The following ATF6 variants were observed in gnomAD, a reference collection of about 807,000 sequenced individuals.
ATF6 encodes activating transcription factor 6.
Under a neutral mutation model 83.6 loss-of-function variants are expected in ATF6, and 53 were observed. The ratio of observed to expected loss-of-function variants is 0.63; its 90% CI spans 0.51 to 0.80. The LOEUF (loss-of-function observed/expected upper bound fraction) is 0.80. Ranked by LOEUF, ATF6 falls within the 30% of genes least tolerant of loss-of-function variation. The pLI is 0.00. For synonymous variants in ATF6, 288 were observed against 285.8 expected, an observed-to-expected ratio of 1.01 and a Z score of -0.08; for missense variants, 744 against 797.9, an observed-to-expected ratio of 0.93 and a Z score of 0.81.
At chr1:161,794,493 T>C (rs1362008587) in intron 6 of ATF6, among the ~76,000 whole-genome samples, 1 of 152,198 alleles carries the variant, frequency 6.6e-6, no homozygotes, top group Non-Finnish European at 1.5e-5. Context: ...TGTTTGTTTT[T>C]AATAGAGACA....
At chr1:161,900,118 A>C (rs988733919) in intron 14 of ATF6, among the ~76,000 whole-genome samples, 10 of 152,248 alleles carry the variant, frequency 6.6e-5, no homozygotes, top group Admixed American at 3.3e-4. Flanking sequence ...AAATTGCATA[A>C]ATTATCTTAC....
chr1:161,914,909 A>G (rs913261939), intron 15 of ATF6, among the ~76,000 whole-genome samples: 1 of 152,196 alleles, frequency 6.6e-6, no homozygotes, highest in African/African-American at 2.4e-5. Flanking sequence ...CAAGCAGCTG[A>G]AAATTGCTAG....
At position 161,963,523 on chromosome 1, in the gene ATF6, A is replaced by G. The variant is rs888608129; in HGVS notation, c.*4869A>G. ...ATTTATCATTTGCCAAGGCCAACAAACAACACTATTGTGCTGTTTGCTCTC... is the reference window on the plus strand; with the variant it reads ...ATTTATCATTTGCCAAGGCCAACAAGCAACACTATTGTGCTGTTTGCTCTC... On this transcript the variant is annotated 3_prime_UTR_variant, in exon 16 of 16. Transcript: ENST00000367942. 34 of 152,328 alleles carry G rather than the reference A, an allele frequency of 2.2e-4. No individual in the cohort carries two copies. Among genetic ancestry groups the G allele is most frequent in the African/African-American group, 8.2e-4 (34 of 41,574 alleles). 9.4% of individuals were successfully genotyped at this position (152,328 alleles called of 1,614,324 possible). A position where few individuals can be genotyped will look rare whatever the true frequency, so the allele number is the denominator to read the frequency against.
At chr1:161,838,475 G>A (rs74853573) in intron 9 of ATF6, among the ~76,000 whole-genome samples, 1 of 152,072 alleles carries the variant, frequency 6.6e-6, no homozygotes, top group African/African-American at 2.4e-5. Context: ...GTTAGCTGGG[G>A]TGGCTTAGGT....
At chr1:161,950,862 GTCATTTTCTTTTTAA>G (rs1688848971) in intron 15 of ATF6, among the ~76,000 whole-genome samples, 1 of 152,298 alleles carries the variant, frequency 6.6e-6, no homozygotes, top group East Asian at 1.9e-4. Flanking sequence ...AATTTTGTTA[GTCATTTTCTTTTTAA>G]TGGTGTTTCA....
At chr1:161,879,116 C>A (rs1391090781) in intron 14 of ATF6, among the ~76,000 whole-genome samples, 1 of 152,010 alleles carries the variant, frequency 6.6e-6, no homozygotes, top group Non-Finnish European at 1.5e-5. Flanking sequence ...ATGGTAGAGG[C>A]AAGATGAGTT....
chr1:161,953,621 G>C (rs111360914), intron 15 of ATF6, among the ~76,000 whole-genome samples: 1 of 152,116 alleles, frequency 6.6e-6, no homozygotes, highest in African/African-American at 2.4e-5. Context: ...CAGAGGAACT[G>C]TTTTTAATTT....
chr1:161,934,230 G>A (rs1459502117), intron 15 of ATF6, among the ~76,000 whole-genome samples: 2 of 152,036 alleles, frequency 1.3e-5, no homozygotes, highest in African/African-American at 2.4e-5. Flanking sequence ...TTGTGATGCC[G>A]GTAAATTGTT....
At chr1:161,944,526 A>C (rs920267026) in intron 15 of ATF6, among the ~76,000 whole-genome samples, 2 of 152,224 alleles carry the variant, frequency 1.3e-5, no homozygotes, top group African/African-American at 4.8e-5. Flanking sequence ...TAAACTACAC[A>C]TGGGTATTTC....
chr1:161,913,261 A>T (rs1012669563), intron 15 of ATF6, among the ~76,000 whole-genome samples: 1 of 152,212 alleles, frequency 6.6e-6, no homozygotes, highest in Non-Finnish European at 1.5e-5. Flanking sequence ...AAGAAGATGG[A>T]AACGAAAAGC....
chr1:161,927,006 T>G (rs1688327381), intron 15 of ATF6, among the ~76,000 whole-genome samples: 1 of 152,180 alleles, frequency 6.6e-6, no homozygotes, highest in East Asian at 1.9e-4. Flanking sequence ...CAGCTTTATA[T>G]TCAGCGCATA....
chr1:161,962,131 T>G lies in ATF6; in HGVS notation c.*3477T>G, dbSNP rs1689112963. On this transcript the variant is annotated 3_prime_UTR_variant, in exon 16 of 16. Coordinates refer to ENST00000367942, the MANE Select transcript of ATF6 (RefSeq NM_007348.4). ...AAACTCAGAGCATCATCTAATTTTT[T>G]TTTTTAATGACTACAAGTTCCAGCA... The G allele has an allele frequency of 1.3e-5, 2 of 152,208 alleles. No homozygotes were observed. Among genetic ancestry groups the G allele is most frequent in the African/African-American group, 4.8e-5 (2 of 41,452 alleles). 9.4% of individuals were successfully genotyped at this position (152,208 alleles called of 1,614,324 possible). A position where few individuals can be genotyped will look rare whatever the true frequency, so the allele number is the denominator to read the frequency against.
intron 12 of ATF6, among the ~76,000 whole-genome samples, chr1:161,855,222 T>C (rs1319407572): frequency 6.6e-6 from 1 of 152,170 alleles, no homozygotes; most frequent in Non-Finnish European, 1.5e-5. Context: ...AGAAGCCATT[T>C]TAGTGGGCTA....
chr1:161,882,709 CT>C (rs111270591), intron 14 of ATF6, among the ~76,000 whole-genome samples: 24,373 of 142,974 alleles, frequency 0.17, 2,682 homozygotes, highest in East Asian at 0.32. Context: ...GTCGATACAG[CT>C]TTTTTTTTTT....
chr1:161,930,890 AT>A lies in ATF6; in HGVS notation c.1804+18524del, dbSNP rs199715828. ...TGTTCCTAAAATGTAGGTTCGTAGAATTTTTTTTTTTTTTCCCCTGGGGACA... is the reference window on the plus strand; with the variant it reads ...TGTTCCTAAAATGTAGGTTCGTAGAATTTTTTTTTTTTTCCCCTGGGGACA... On this transcript the variant is annotated intron_variant, in intron 15 of 15. Transcript: ENST00000367942. Among the ~76,000 whole-genome samples the A allele has an allele frequency of 2.8e-3, 403 of 146,048 alleles. 1 individual carries two copies. Among genetic ancestry groups the A allele is most frequent in the East Asian group, 9.9e-3 (50 of 5,040 alleles).
chr1:161,856,333 T>C (rs1686759469), intron 12 of ATF6, among the ~76,000 whole-genome samples: 1 of 152,194 alleles, frequency 6.6e-6, no homozygotes, highest in Non-Finnish European at 1.5e-5. Flanking sequence ...TTAATACTAA[T>C]AGAGGCTGCA....
intron 14 of ATF6, among the ~76,000 whole-genome samples, chr1:161,906,966 C>T (rs367855390): frequency 1.3e-5 from 2 of 152,154 alleles, no homozygotes; most frequent in East Asian, 3.8e-4. Flanking sequence ...TTACATTCTA[C>T]TTAATTTTAC....
chr1:161,844,877 A>T (rs1007893218), intron 9 of ATF6, among the ~76,000 whole-genome samples: 1 of 152,210 alleles, frequency 6.6e-6, no homozygotes, highest in African/African-American at 2.4e-5. Flanking sequence ...TTAGACAGAC[A>T]TTCCACTAGG....
chr1:161,845,775 CAAAAAA>C (rs66887008), intron 9 of ATF6, among the ~76,000 whole-genome samples: 4 of 74,552 alleles, frequency 5.4e-5, no homozygotes, highest in Non-Finnish European at 9.1e-5. Context: ...GACCCTGTCT[CAAAAAA>C]AAAAAAAAAA....
Sources: gnomAD v4.1 joint callset for allele counts (sites outside exome capture counted in the v4.1 genomes callset) on GRCh38, gnomAD v4.1.1 for gene constraint, MANE v1.5 for transcripts, NCBI Gene and HGNC (gene_info 2026-07-23, HGNC 2026-07-21) for gene names.